Variants in UVRAG observed in about 807,000 individuals in gnomAD.
UVRAG encodes the protein UV radiation resistance associated, also known as UV radiation resistance-associated gene protein.
UVRAG carries 19 observed loss-of-function variants against 78.0 expected under a neutral mutation model. The observed-to-expected ratio is 0.24, with a 90% CI of 0.17 to 0.36. The LOEUF is 0.36. Ranked by LOEUF, UVRAG falls within the 10% of genes least tolerant of loss-of-function variation. The pLI is 1.00. For missense variants in UVRAG, 740 were observed against 853.8 expected (o/e 0.87, Z 1.66); for synonymous variants, 323 against 324.6 (o/e 1.00, Z 0.05).
At chr11:75,882,523 A>AG (rs1262291312) in intron 4 of UVRAG, among the ~76,000 whole-genome samples, 3 of 152,102 alleles carry the variant, frequency 2.0e-5, no homozygotes, top group South Asian at 2.1e-4. Context: ...AAAAAAAAAA[A>AG]AAAATTTTTT....
At chr11:76,110,498 C>G (rs998214574) in intron 13 of UVRAG, among the ~76,000 whole-genome samples, 1 of 152,060 alleles carries the variant, frequency 6.6e-6, no homozygotes, top group Non-Finnish European at 1.5e-5. Flanking sequence ...CTCATTTCTT[C>G]CTATACTGTA....
chr11:76,109,270 C>T (rs973165829), intron 13 of UVRAG, among the ~76,000 whole-genome samples: 2 of 152,192 alleles, frequency 1.3e-5, no homozygotes, highest in Non-Finnish European at 2.9e-5. Context: ...GACAAGAGTA[C>T]TTCAGTCTTT....
intron 13 of UVRAG, among the ~76,000 whole-genome samples, chr11:76,069,121 A>T (rs970257862): frequency 6.6e-6 from 1 of 152,232 alleles, no homozygotes; most frequent in African/African-American, 2.4e-5. Context: ...TGGTAGAGGA[A>T]ATGACAGAAT....
At chr11:75,855,695 A>G (rs1421668940) in intron 2 of UVRAG, among the ~76,000 whole-genome samples, 1 of 152,254 alleles carries the variant, frequency 6.6e-6, no homozygotes, top group Non-Finnish European at 1.5e-5. Context: ...GTTTAGTGGT[A>G]ACATTTCTTA....
At chr11:76,067,383 G>A (rs1236509263) in intron 13 of UVRAG, among the ~76,000 whole-genome samples, 3 of 152,150 alleles carry the variant, frequency 2.0e-5, no homozygotes, top group Admixed American at 6.5e-5. Flanking sequence ...TTAATTCCAA[G>A]ACTGCCGAGC....
At chr11:76,084,495 A>G (rs547693705) in intron 13 of UVRAG, among the ~76,000 whole-genome samples, 2 of 152,314 alleles carry the variant, frequency 1.3e-5, no homozygotes, top group South Asian at 4.1e-4. Context: ...ATTAAAATAT[A>G]CATACTATCA....
intron 6 of UVRAG, among the ~76,000 whole-genome samples, chr11:75,923,350 T>G (rs1690229563): frequency 6.6e-6 from 1 of 152,176 alleles, no homozygotes; most frequent in Non-Finnish European, 1.5e-5. Flanking sequence ...AGCAGTTGTG[T>G]TGTTGTTATG....
At chr11:76,005,335 G>T (rs570269776) in intron 9 of UVRAG, among the ~76,000 whole-genome samples, 1 of 151,458 alleles carries the variant, frequency 6.6e-6, no homozygotes, top group East Asian at 1.9e-4. Flanking sequence ...AGAGCGAGAC[G>T]CCATCTTAAA....
intron 7 of UVRAG, among the ~76,000 whole-genome samples, chr11:75,974,338 G>A (rs1949187147): frequency 6.8e-6 from 1 of 146,914 alleles, no homozygotes; most frequent in Non-Finnish European, 1.5e-5. Context: ...TCTGTTGGCT[G>A]CATAAATGTC....
Position 75,897,871 on chromosome 11 carries a change from A to ATTTTTTTTTTTTTTTTTTT in UVRAG, c.507+8986_507+8987insTTTTTTTTTTTTTTTTTTT, listed in dbSNP as rs146122619. Among the ~76,000 whole-genome samples the ATTTTTTTTTTTTTTTTTTT allele has an allele frequency of 8.3e-5, 9 of 108,890 alleles. 1 individual carries two copies. The highest frequency in any genetic ancestry group is 2.4e-4 in the African/African-American group (6 of 24,742). The allele number at this position is 108,890 out of a possible 152,430, so 71.4% of individuals were successfully genotyped here. A position where few individuals can be genotyped will look rare whatever the true frequency, so the allele number is the denominator to read the frequency against. ...ATATACTTACCTTCATAGCTCTTTA[A>ATTTTTTTTTTTTTTTTTTT]TTTTTTTTTTTTTTTTTTGGACAAG... On this transcript the variant is annotated intron_variant, in intron 5 of 14. Transcript: ENST00000356136.
chr11:76,015,677 A>G (rs1426004844), intron 11 of UVRAG, among the ~76,000 whole-genome samples: 1 of 152,214 alleles, frequency 6.6e-6, no homozygotes. Flanking sequence ...ATGGTAGTTA[A>G]GGGTAGAGAA....
chr11:76,059,455 A>G (rs1304302462), intron 12 of UVRAG, among the ~76,000 whole-genome samples: 1 of 152,210 alleles, frequency 6.6e-6, no homozygotes, highest in African/African-American at 2.4e-5. Context: ...AAGAGCTTGG[A>G]CCAATGATTC....
chr11:76,004,793 T>C (rs1158096087), intron 9 of UVRAG, among the ~76,000 whole-genome samples: 1 of 151,984 alleles, frequency 6.6e-6, no homozygotes, highest in Non-Finnish European at 1.5e-5. Flanking sequence ...CCTGGCATTT[T>C]TATCTTCTTA....
At chr11:75,924,329 A>T (rs1168533182) in intron 6 of UVRAG, among the ~76,000 whole-genome samples, 1 of 151,882 alleles carries the variant, frequency 6.6e-6, no homozygotes, top group South Asian at 2.1e-4. Context: ...TTAATATTTC[A>T]TTTTGGATAC....
chr11:75,973,337 A>C (rs878922853), intron 7 of UVRAG, among the ~76,000 whole-genome samples: 5 of 152,200 alleles, frequency 3.3e-5, no homozygotes, highest in African/African-American at 1.2e-4. Context: ...TGATGTGATG[A>C]ATTACATTAA....
At chr11:75,929,023 T>C (rs1437141384) in intron 6 of UVRAG, among the ~76,000 whole-genome samples, 3 of 151,558 alleles carry the variant, frequency 2.0e-5, no homozygotes, top group Admixed American at 6.6e-5. Flanking sequence ...AAGAGCAGTT[T>C]TGATGTGTGG....
intron 6 of UVRAG, among the ~76,000 whole-genome samples, chr11:75,928,961 A>AAAAAAG (rs767893577): frequency 0.016 from 2,340 of 142,188 alleles, 84 homozygotes; most frequent in African/African-American, 0.051. Context: ...AAAAAAAAAA[A>AAAAAAG]AAAGAATTGA....
intron 12 of UVRAG, among the ~76,000 whole-genome samples, chr11:76,052,225 A>G (rs987775295): frequency 3.3e-5 from 5 of 152,328 alleles, no homozygotes; most frequent in African/African-American, 9.6e-5. Flanking sequence ...GGCACATAGT[A>G]TGAGTTCTTT....
chr11:75,920,769 A>G (rs1409169514), intron 6 of UVRAG, among the ~76,000 whole-genome samples: 2 of 152,172 alleles, frequency 1.3e-5, no homozygotes, highest in Admixed American at 1.3e-4. Flanking sequence ...TATATAATTT[A>G]TGGTTTATGT....
Sources: allele counts gnomAD v4.1 joint callset (sites outside exome capture counted in the v4.1 genomes callset), GRCh38; gene constraint gnomAD v4.1.1; transcripts MANE v1.5; gene names NCBI Gene and HGNC (gene_info 2026-07-23, HGNC 2026-07-21).